Variants in PIWIL2 observed in about 807,000 individuals in gnomAD.
The protein encoded by PIWIL2 is piwi-like protein 2.
PIWIL2 carries 81 observed loss-of-function variants against 116.5 expected under a neutral mutation model. The observed-to-expected ratio is 0.70, with a 90% confidence interval of 0.58 to 0.84. PIWIL2 has a LOEUF of 0.84. Ranked by LOEUF, PIWIL2 falls within the 40% of genes least tolerant of loss-of-function variation. PIWIL2 has a pLI of 0.00. For missense variants in PIWIL2, 1,272 were observed against 1,212.3 expected, an observed-to-expected ratio of 1.05 and a Z score of -0.73; for synonymous variants, 489 against 429.5, an observed-to-expected ratio of 1.14 and a Z score of -1.71.
chr8:22,288,448 A>G, intron 7 of PIWIL2, 94 bp from the exon 8 acceptor site: 2 of 903,382 alleles, frequency 2.2e-6, no homozygotes, highest in Non-Finnish European at 1.6e-6. Context: ...AAGATACTTT[A>G]GTGTTCTTAA....
chr8:22,282,584 G>A (rs1386601448), intron 4 of PIWIL2, among the ~76,000 whole-genome samples: 1 of 151,794 alleles, frequency 6.6e-6, no homozygotes, highest in African/African-American at 2.4e-5. Context: ...ATGAGTCATG[G>A]TGGCATATGT....
At chr8:22,317,824 T>C (rs1272345667) in intron 19 of PIWIL2, among the ~76,000 whole-genome samples, 1 of 152,076 alleles carries the variant, frequency 6.6e-6, no homozygotes, top group African/African-American at 2.4e-5. Context: ...CACGCCCGGC[T>C]AATTTTTTTT....
intron 20 of PIWIL2, among the ~76,000 whole-genome samples, chr8:22,340,849 C>T (rs1832091997): frequency 6.6e-6 from 1 of 152,038 alleles, no homozygotes; most frequent in Non-Finnish European, 1.5e-5. Flanking sequence ...GTAGCTGGGT[C>T]TACAGGAATG....
Position 22,283,140 on chromosome 8 carries a change from T to TC in PIWIL2, c.535dup (p.Arg179ProfsTer59). Reference sequence around the variant, plus strand: ...GCCTCCCTGTACCTTCAGCACACCGTCCCGGGGTCCCCCGCAGCTGTCATC... The same window carrying TC: ...GCCTCCCTGTACCTTCAGCACACCGTCCCCGGGGTCCCCCGCAGCTGTCATC... On this transcript the variant is annotated frameshift_variant, in exon 5 of 23. Coordinates refer to ENST00000356766, the MANE Select transcript of PIWIL2 (RefSeq NM_018068.5). LOFTEE classifies it high-confidence loss of function. 2 of 1,614,086 alleles carry TC rather than the reference T, an allele frequency of 1.2e-6. No homozygotes were observed. Among genetic ancestry groups the TC allele is most frequent in the Non-Finnish European group, 1.7e-6 (2 of 1,180,002 alleles).
chr8:22,311,405 G>C (rs1831327620), intron 16 of PIWIL2, 105 bp downstream of exon 16: 1 of 900,554 alleles, frequency 1.1e-6, no homozygotes, highest in Non-Finnish European at 1.7e-6. Flanking sequence ...TGATGCCCTA[G>C]AACTTGTCTT....
At chr8:22,324,808 A>C (rs1831684921) in intron 20 of PIWIL2, among the ~76,000 whole-genome samples, 1 of 129,774 alleles carries the variant, frequency 7.7e-6, no homozygotes, top group Non-Finnish European at 1.5e-5. Flanking sequence ...AAATTTAGAC[A>C]CAGAGGCAGA....
rs1832430525 is a variant in PIWIL2 at position 22,353,841 on chromosome 8, C to T, written c.2658-430C>T. ...CCAGGGTGGAGTGCAATGATGTGAT[C>T]TCAGCTCACTGCAGCCTCAACCTGC... is the stretch of plus-strand genomic sequence containing the variant. On this transcript the variant is annotated intron_variant, in intron 21 of 22. Coordinates refer to ENST00000356766, the MANE Select transcript of PIWIL2 (RefSeq NM_018068.5). Among the ~76,000 whole-genome samples the T allele has an allele frequency of 2.5e-5, 3 of 121,558 alleles. No individual in the cohort carries two copies. The Admixed American group carries it at 3.3e-4, about 14-fold the overall frequency. 79.7% of individuals were successfully genotyped at this position (121,558 alleles called of 152,430 possible). A position where few individuals can be genotyped will look rare whatever the true frequency, so the allele number is the denominator to read the frequency against.
At chr8:22,333,767 T>G (rs1345011897) in intron 20 of PIWIL2, among the ~76,000 whole-genome samples, 1 of 151,956 alleles carries the variant, frequency 6.6e-6, no homozygotes, top group African/African-American at 2.4e-5. Flanking sequence ...AGTATGAGGT[T>G]TCTTTGTGAG....
chr8:22,312,669 T>C (rs1196839486), intron 16 of PIWIL2, among the ~76,000 whole-genome samples: 1 of 152,154 alleles, frequency 6.6e-6, no homozygotes. Context: ...ACACAAAGTC[T>C]TGACTCTGTT....
intron 10 of PIWIL2, among the ~76,000 whole-genome samples, chr8:22,292,361 G>C (rs1830786393): frequency 6.6e-6 from 1 of 152,232 alleles, no homozygotes; most frequent in Admixed American, 6.5e-5. Flanking sequence ...TCAAGAGGCT[G>C]TGGTAATCCA....
intron 15 of PIWIL2, among the ~76,000 whole-genome samples, chr8:22,310,398 G>A (rs375684648): frequency 1.3e-4 from 20 of 152,044 alleles, no homozygotes; most frequent in East Asian, 5.8e-4. Context: ...ATTTGTATCC[G>A]TGAAAGAAGT....
intron 10 of PIWIL2, among the ~76,000 whole-genome samples, chr8:22,291,397 C>T (rs1198712402): frequency 1.3e-5 from 2 of 151,826 alleles, no homozygotes; most frequent in Non-Finnish European, 1.5e-5. Flanking sequence ...GAGATCTGCC[C>T]GCCTCAGCCT....
intron 8 of PIWIL2, among the ~76,000 whole-genome samples, chr8:22,289,592 T>C (rs1395980782): frequency 1.3e-5 from 2 of 152,220 alleles, no homozygotes; most frequent in African/African-American, 4.8e-5. Flanking sequence ...AATAAAACCT[T>C]GGAAACCAAC....
chr8:22,282,999 A>T, intron 4 of PIWIL2, 35 bp from the exon 5 acceptor site: 1 of 1,544,526 alleles, frequency 6.5e-7, no homozygotes, highest in Non-Finnish European at 9.0e-7. Context: ...AGCTATTATA[A>T]AAAACCCTGA....
Position 22,308,058 on chromosome 8 carries a change from A to G in PIWIL2, c.1671A>G (p.Gln557=). 6.2e-7 allele frequency: 1 copy of G among 1,613,986 alleles called. No homozygotes were observed. ...TGATGCGTTGGGGGCTCCGTCTGCA[A>G]AAGGATGTACATAAGGTAAACCAAA... ...NELMRWGLRL[Q]KDVHKIEGRV... is the part of the protein sequence containing the mutation. Residue 557 remains glutamine, a synonymous_variant, in exon 14 of 23, where the codon CAA becomes CAG. Transcript: ENST00000356766.
At chr8:22,353,292 GT>G (rs139535064) in intron 21 of PIWIL2, 80 bp downstream of exon 21, 72,210 of 1,257,660 alleles carry the variant, frequency 0.057, 2,567 homozygotes, top group Admixed American at 0.11. Context: ...GAATGGGGAG[GT>G]TTCCTGGAGA....
chr8:22,314,000 A>G (rs1224801747), intron 16 of PIWIL2, among the ~76,000 whole-genome samples: 1 of 152,240 alleles, frequency 6.6e-6, no homozygotes, highest in Non-Finnish European at 1.5e-5. Flanking sequence ...TGGAAGCAGC[A>G]AGTAATGTAA....
chr8:22,301,030 A>C (rs1831034710), intron 10 of PIWIL2, among the ~76,000 whole-genome samples: 1 of 151,412 alleles, frequency 6.6e-6, no homozygotes, highest in African/African-American at 2.4e-5. Context: ...TGTTGGCTGG[A>C]GCGCAGAGGT....
At chr8:22,279,649 A>T in intron 2 of PIWIL2, 65 bp downstream of exon 2, 1 of 1,475,506 alleles carries the variant, frequency 6.8e-7, no homozygotes. Context: ...AGAGGAAGTA[A>T]TGGATTTCAA....
Sources: gnomAD v4.1 joint callset for allele counts (sites outside exome capture counted in the v4.1 genomes callset) on GRCh38, gnomAD v4.1.1 for gene constraint, MANE v1.5 for transcripts, NCBI Gene and HGNC (gene_info 2026-07-23, HGNC 2026-07-21) for gene names.